The following AOPEP variants were observed in gnomAD, a reference collection of about 807,000 sequenced individuals.
AOPEP encodes aminopeptidase O.
A neutral mutation model predicts 98.1 loss-of-function variants in AOPEP; 77 were observed. The observed-to-expected ratio is 0.78, with a 90% CI of 0.65 to 0.95. The LOEUF (loss-of-function observed/expected upper bound fraction) is 0.95, where lower values mean the gene tolerates loss of function less well. Among genes scored for constraint, AOPEP ranks in the 40% least tolerant of loss-of-function variants. AOPEP has a pLI of 0.00. For synonymous variants in AOPEP, 346 were observed against 365.3 expected (o/e 0.95, Z 0.60); for missense variants, 1,024 against 1,024.7 (o/e 1.00, Z 0.01).
intron 2 of AOPEP, among the ~76,000 whole-genome samples, chr9:94,765,465 A>ATAATAATAG: frequency 6.8e-6 from 1 of 147,098 alleles, no homozygotes; most frequent in South Asian, 2.1e-4. Context: ...AATAATAATA[A>ATAATAATAG]TAATAATAAT....
chr9:94,976,446 G>C (rs1468983926), intron 10 of AOPEP, among the ~76,000 whole-genome samples: 2 of 152,068 alleles, frequency 1.3e-5, no homozygotes, highest in African/African-American at 4.8e-5. Flanking sequence ...ACTGTCTTTT[G>C]TAAAATCACT....
intron 3 of AOPEP, among the ~76,000 whole-genome samples, chr9:94,779,025 T>TA (rs762744498): frequency 1.6e-3 from 226 of 140,336 alleles, no homozygotes; most frequent in African/African-American, 3.1e-3. Flanking sequence ...TGATACTGTC[T>TA]AAAAAAAAAA....
the AOPEP span, chr9:95,123,262 C>A: frequency 7.2e-6 from 2 of 276,776 alleles, no homozygotes; most frequent in East Asian, 2.2e-4. Context: ...CATGATCATA[C>A]CACTGCACTC....
intron 11 of AOPEP, among the ~76,000 whole-genome samples, chr9:94,992,673 G>A (rs893271224): frequency 5.3e-5 from 8 of 152,226 alleles, no homozygotes; most frequent in African/African-American, 1.9e-4. Context: ...CAGTGGGCGA[G>A]CCACTTGCCC....
the AOPEP span, among the ~76,000 whole-genome samples, chr9:95,115,244 A>G: frequency 6.6e-6 from 1 of 152,184 alleles, no homozygotes; most frequent in East Asian, 1.9e-4. Context: ...GCTTGCCCTC[A>G]AGTAATTTTA....
chr9:94,886,715 CA>C (rs1350511785), intron 5 of AOPEP, among the ~76,000 whole-genome samples: 9 of 152,158 alleles, frequency 5.9e-5, no homozygotes, highest in Non-Finnish European at 1.2e-4. Flanking sequence ...AGTGCAGTCA[CA>C]TTTTATGCAA....
At chr9:94,922,126 C>T (rs2053704507) in intron 5 of AOPEP, among the ~76,000 whole-genome samples, 1 of 152,204 alleles carries the variant, frequency 6.6e-6, no homozygotes, top group South Asian at 2.1e-4. Flanking sequence ...CACCCACCCT[C>T]CCCACAGCTG....
At chr9:94,810,819 AC>A (rs1173337774) in intron 5 of AOPEP, among the ~76,000 whole-genome samples, 6 of 152,188 alleles carry the variant, frequency 3.9e-5, no homozygotes, top group African/African-American at 1.4e-4. Context: ...GGCCTCTTTA[AC>A]CCTTGTTAAT....
chr9:94,906,156 A>G (rs112838860), intron 5 of AOPEP, among the ~76,000 whole-genome samples: 1 of 152,224 alleles, frequency 6.6e-6, no homozygotes. Flanking sequence ...AGTCTGGTCA[A>G]TATAGTGAGA....
At chr9:94,782,387 A>G in intron 3 of AOPEP, among the ~76,000 whole-genome samples, 1 of 152,172 alleles carries the variant, frequency 6.6e-6, no homozygotes, top group East Asian at 1.9e-4. Flanking sequence ...TGCAAAAGTA[A>G]GACTGTAGAC....
At chr9:95,118,374 GC>G in the AOPEP span, among the ~76,000 whole-genome samples, 2 of 152,228 alleles carry the variant, frequency 1.3e-5, no homozygotes, top group African/African-American at 4.8e-5. Flanking sequence ...CATTTCGAGG[GC>G]CAAAGAGCTA....
chr9:94,842,438 G>A (rs1347479111), intron 5 of AOPEP, among the ~76,000 whole-genome samples: 1 of 152,164 alleles, frequency 6.6e-6, no homozygotes, highest in African/African-American at 2.4e-5. Context: ...CTGTTCTGCT[G>A]TTATTGGATG....
In AOPEP at chr9:95,081,181, C is replaced by T. The variant is rs146191872; in HGVS notation, c.2319+401C>T. Among the ~76,000 whole-genome samples the T allele has an allele frequency of 1.9e-4, 29 of 152,352 alleles. No individual in the cohort carries two copies. In the East Asian group the frequency reaches 5.6e-3, roughly 29 times the overall value. Reference sequence around the variant, plus strand: ...CCGACGGGACAGTCTCGGTCTGTACCTGCACCTGCCGTGCTGTGCTAGGCG... The same window carrying T: ...CCGACGGGACAGTCTCGGTCTGTACTTGCACCTGCCGTGCTGTGCTAGGCG... On this transcript the variant is annotated intron_variant, in intron 15 of 16. Coordinates refer to ENST00000375315, the MANE Select transcript of AOPEP (RefSeq NM_001193329.3).
At chr9:95,116,266 G>A in the AOPEP span, among the ~76,000 whole-genome samples, 1 of 152,236 alleles carries the variant, frequency 6.6e-6, no homozygotes, top group African/African-American at 2.4e-5. Context: ...TGAACCCTGG[G>A]AGAGTGAATT....
At chr9:94,731,790 CTTTTTTTTTTTTT>C (rs564831468) in intron 1 of AOPEP, among the ~76,000 whole-genome samples, 3 of 86,290 alleles carry the variant, frequency 3.5e-5, no homozygotes, top group African/African-American at 5.2e-5. Context: ...TCTCTTTTGC[CTTTTTTTTTTTTT>C]TTTTTTTTTT....
chr9:94,824,237 A>C (rs1462319829), intron 5 of AOPEP: 1 of 152,218 alleles, frequency 6.6e-6, no homozygotes, highest in Admixed American at 6.5e-5. Flanking sequence ...AGAGGATTTC[A>C]AGAGCCTTTA....
the AOPEP span, chr9:95,117,387 G>A: frequency 5.2e-5 from 84 of 1,612,804 alleles, 1 homozygote; most frequent in East Asian, 5.3e-4. Flanking sequence ...AGTGCAAACC[G>A]CAGCTGCCAC....
intron 2 of AOPEP, chr9:94,763,075 C>T: frequency 4.6e-6 from 2 of 434,628 alleles, no homozygotes; most frequent in Non-Finnish European, 9.4e-6. Flanking sequence ...TCAGTTATAC[C>T]CGCTCTAAGT....
chr9:94,916,484 C>T (rs2052812438), intron 5 of AOPEP, among the ~76,000 whole-genome samples: 1 of 152,188 alleles, frequency 6.6e-6, no homozygotes, highest in East Asian at 1.9e-4. Flanking sequence ...GCGGGCAGAC[C>T]ATGAGGTCAG....
Sources: gnomAD v4.1 joint callset for allele counts (sites outside exome capture counted in the v4.1 genomes callset) on GRCh38, gnomAD v4.1.1 for gene constraint, MANE v1.5 for transcripts, NCBI Gene and HGNC (gene_info 2026-07-23, HGNC 2026-07-21) for gene names.